The following ASAP1 variants were observed in gnomAD, a reference collection of about 807,000 sequenced individuals.
ASAP1 encodes arf-GAP with SH3 domain, ANK repeat and PH domain-containing protein 1.
A neutral mutation model predicts 145.2 loss-of-function variants in ASAP1; 43 were observed. The ratio of observed to expected loss-of-function variants is 0.30; its 90% CI spans 0.23 to 0.38. ASAP1 has a LOEUF of 0.38. ASAP1 is among the 10% of genes least tolerant of loss of function. The pLI, the probability that ASAP1 is intolerant of heterozygous loss-of-function variation, is 1.00. For synonymous variants in ASAP1, 546 were observed against 515.5 expected, an observed-to-expected ratio of 1.06 and a Z score of -0.80; for missense variants, 1,018 against 1,355.3, an observed-to-expected ratio of 0.75 and a Z score of 3.91.
At chr8:130,080,928 C>T (rs757365429) in intron 25 of ASAP1, among the ~76,000 whole-genome samples, 36 of 152,174 alleles carry the variant, frequency 2.4e-4, no homozygotes, top group Non-Finnish European at 3.1e-4. Flanking sequence ...CCACCATACC[C>T]GGCCAAGTAT....
chr8:130,254,890 T>C (rs116816532), intron 3 of ASAP1, among the ~76,000 whole-genome samples: 1,685 of 152,302 alleles, frequency 0.011, 29 homozygotes, highest in African/African-American at 0.039. Context: ...CATCAAATGA[T>C]ATTACCATTA....
chr8:130,415,988 C>A (rs1427973354), intron 1 of ASAP1, among the ~76,000 whole-genome samples: 1 of 152,106 alleles, frequency 6.6e-6, no homozygotes, highest in Non-Finnish European at 1.5e-5. Flanking sequence ...AAGGATCAAC[C>A]AATTTCCACA....
intron 3 of ASAP1, among the ~76,000 whole-genome samples, chr8:130,271,002 G>A (rs1185948072): frequency 6.6e-6 from 1 of 152,158 alleles, no homozygotes; most frequent in East Asian, 1.9e-4. Flanking sequence ...ATCACACTGG[G>A]GGCAATCTGA....
intron 1 of ASAP1, among the ~76,000 whole-genome samples, chr8:130,411,266 A>C (rs1197706386): frequency 6.6e-6 from 1 of 152,228 alleles, no homozygotes; most frequent in Non-Finnish European, 1.5e-5. Flanking sequence ...ATCTTACTGC[A>C]AGCAACACCT....
At chr8:130,055,578 C>G (rs1485444716) in intron 29 of ASAP1, among the ~76,000 whole-genome samples, 1 of 149,572 alleles carries the variant, frequency 6.7e-6, no homozygotes, top group African/African-American at 2.5e-5. Flanking sequence ...CACTTGTTTT[C>G]TGGTTACCGT....
intron 25 of ASAP1, 40 bp downstream of exon 25, chr8:130,091,933 T>G: frequency 6.7e-7 from 1 of 1,484,754 alleles, no homozygotes; most frequent in South Asian, 1.4e-5. Context: ...ACACGCTGCC[T>G]GGCCCCAGCA....
chr8:130,281,204 T>A (rs1821223200), intron 3 of ASAP1, among the ~76,000 whole-genome samples: 1 of 152,118 alleles, frequency 6.6e-6, no homozygotes, highest in African/African-American at 2.4e-5. Context: ...ATGTACCCCC[T>A]CACAAAGGAT....
intron 3 of ASAP1, among the ~76,000 whole-genome samples, chr8:130,356,946 C>T (rs1433598442): frequency 6.6e-6 from 1 of 152,184 alleles, no homozygotes; most frequent in Non-Finnish European, 1.5e-5. Context: ...ATAACCCACC[C>T]AGGGAAAACC....
chr8:130,135,245 C>T (rs1227173164), intron 14 of ASAP1, among the ~76,000 whole-genome samples: 2 of 152,176 alleles, frequency 1.3e-5, no homozygotes, highest in African/African-American at 4.8e-5. Flanking sequence ...AATCCTAACA[C>T]TTTGGGAGGT....
At chr8:130,232,435 A>C (rs1337738239) in intron 4 of ASAP1, among the ~76,000 whole-genome samples, 1 of 152,224 alleles carries the variant, frequency 6.6e-6, no homozygotes, top group East Asian at 1.9e-4. Context: ...ATAATGTTAA[A>C]ACTTCAAAAC....
intron 11 of ASAP1, among the ~76,000 whole-genome samples, chr8:130,163,605 T>C (rs1452801508): frequency 6.6e-6 from 1 of 152,232 alleles, no homozygotes; most frequent in Non-Finnish European, 1.5e-5. Flanking sequence ...TGAGAAATGA[T>C]GGCCATTCAG....
intron 2 of ASAP1, among the ~76,000 whole-genome samples, chr8:130,368,178 G>T (rs11774346): frequency 0.035 from 5,268 of 152,218 alleles, 123 homozygotes; most frequent in Middle Eastern, 0.065. Context: ...TGGCCTTAGA[G>T]GTTGAGAGGC....
At chr8:130,092,306 T>G (rs1011350108) in intron 24 of ASAP1, among the ~76,000 whole-genome samples, 163 bp from the exon 25 acceptor site, 1 of 150,702 alleles carries the variant, frequency 6.6e-6, no homozygotes. Flanking sequence ...AACTCACAAG[T>G]AGGGTTTCAA....
chr8:130,141,526 T>G (rs2097611178), intron 13 of ASAP1, among the ~76,000 whole-genome samples: 1 of 152,136 alleles, frequency 6.6e-6, no homozygotes, highest in South Asian at 2.1e-4. Context: ...TTAACACTCC[T>G]TATTTGCTTC....
At chr8:130,278,941 T>C (rs11778881) in intron 3 of ASAP1, among the ~76,000 whole-genome samples, 5,300 of 152,274 alleles carry the variant, frequency 0.035, 126 homozygotes, top group Middle Eastern at 0.065. Context: ...CATTAGTTCA[T>C]TCAAAACAAT....
intron 11 of ASAP1, among the ~76,000 whole-genome samples, chr8:130,164,570 G>A (rs749586697): frequency 5.3e-5 from 8 of 152,176 alleles, no homozygotes; most frequent in African/African-American, 7.2e-5. Context: ...CAGTCTGGGC[G>A]ACAGAGACTC....
At chr8:130,146,337 C>T (rs780972737) in intron 13 of ASAP1, among the ~76,000 whole-genome samples, 1 of 152,040 alleles carries the variant, frequency 6.6e-6, no homozygotes, top group Non-Finnish European at 1.5e-5. Context: ...TTCGTATATG[C>T]TAAGACCTCT....
chr8:130,435,519 T>C (rs1830282589), intron 1 of ASAP1, among the ~76,000 whole-genome samples: 1 of 152,216 alleles, frequency 6.6e-6, no homozygotes, highest in South Asian at 2.1e-4. Context: ...AATTGTCTCA[T>C]TACTAATGTT....
At chr8:130,180,932 C>G in intron 7 of ASAP1, 52 bp from the exon 8 acceptor site, 4 of 1,475,754 alleles carry the variant, frequency 2.7e-6, no homozygotes, top group Non-Finnish European at 3.7e-6. Context: ...CACTCATGTA[C>G]AATACCAACA....
Sources: gnomAD v4.1 joint callset for allele counts (sites outside exome capture counted in the v4.1 genomes callset) on GRCh38, gnomAD v4.1.1 for gene constraint, MANE v1.5 for transcripts, NCBI Gene and HGNC (gene_info 2026-07-23, HGNC 2026-07-21) for gene names.